The following TEKT5 variants were observed in gnomAD, a reference collection of about 807,000 sequenced individuals.
TEKT5 encodes tektin-5.
In TEKT5, 52 loss-of-function variants were observed where a neutral mutation model predicts 48.7. The observed-to-expected ratio is 1.07, with a 90% confidence interval of 0.86 to 1.35. The LOEUF is 1.35. Among genes scored for constraint, TEKT5 ranks in the 40% most tolerant of loss-of-function variants. The pLI, the probability that TEKT5 is intolerant of heterozygous loss-of-function variation, is 0.00. For synonymous variants in TEKT5, 318 were observed against 267.6 expected, an observed-to-expected ratio of 1.19 and a Z score of -1.84; for missense variants, 831 against 641.6, an observed-to-expected ratio of 1.30 and a Z score of -3.19.
intron 6 of TEKT5, among the ~76,000 whole-genome samples, chr16:10,633,253 C>T (rs1229120861): frequency 1.3e-5 from 2 of 152,062 alleles, no homozygotes; most frequent in Non-Finnish European, 2.9e-5. Context: ...CCCAGCTACT[C>T]GGGAGGCTGA....
At chr16:10,640,104 TCC>T (rs1897972656) in intron 5 of TEKT5, among the ~76,000 whole-genome samples, 2 of 69,916 alleles carry the variant, frequency 2.9e-5, no homozygotes, top group African/African-American at 1.6e-4. Context: ...CCCTCTCCCC[TCC>T]TCCCGTCTTC....
chr16:10,641,638 T>C (rs1897995717), intron 5 of TEKT5, among the ~76,000 whole-genome samples: 1 of 152,062 alleles, frequency 6.6e-6, no homozygotes, highest in Non-Finnish European at 1.5e-5. Flanking sequence ...TGGGGCAACA[T>C]AGTGAGACCT....
intron 5 of TEKT5, among the ~76,000 whole-genome samples, chr16:10,666,877 G>C (rs1182667852): frequency 2.6e-5 from 4 of 151,866 alleles, no homozygotes; most frequent in African/African-American, 9.7e-5. Flanking sequence ...TCATGGCACA[G>C]TTGCCCATAT....
chr16:10,635,674 C>G, intron 6 of TEKT5, 90 bp downstream of exon 6: 1 of 1,531,198 alleles, frequency 6.5e-7, no homozygotes, highest in South Asian at 1.3e-5. Context: ...ATTTTTCAGA[C>G]CCAGTGCACC....
intron 6 of TEKT5, among the ~76,000 whole-genome samples, chr16:10,631,273 AG>A (rs1230904154): frequency 0.016 from 1,850 of 119,134 alleles, 61 homozygotes; most frequent in African/African-American, 0.054. Context: ...AAAAAAAAAA[AG>A]AGAGAGAGAG....
intron 5 of TEKT5, among the ~76,000 whole-genome samples, chr16:10,665,227 G>A (rs1344898121): frequency 1.3e-5 from 2 of 152,120 alleles, no homozygotes; most frequent in African/African-American, 2.4e-5. Context: ...AAAAATTAGG[G>A]GAATGCTGGG....
chr16:10,646,300 C>T (rs997207217), intron 5 of TEKT5, among the ~76,000 whole-genome samples: 3 of 152,078 alleles, frequency 2.0e-5, no homozygotes, highest in African/African-American at 4.8e-5. Context: ...ACCAGCTTCC[C>T]CCCAGTGACT....
At chr16:10,650,544 G>A (rs1898138656) in intron 5 of TEKT5, among the ~76,000 whole-genome samples, 1 of 152,056 alleles carries the variant, frequency 6.6e-6, no homozygotes, top group Non-Finnish European at 1.5e-5. Flanking sequence ...ATCTTGTCCA[G>A]ACTCTGTCAC....
At chr16:10,648,743 CTT>C in intron 5 of TEKT5, among the ~76,000 whole-genome samples, 1 of 152,350 alleles carries the variant, frequency 6.6e-6, no homozygotes, top group South Asian at 2.1e-4. Context: ...GCCAGCCTAT[CTT>C]TGTCTCTCTA....
At chr16:10,661,843 AAAG>A (rs1351087631) in intron 5 of TEKT5, among the ~76,000 whole-genome samples, 1 of 152,150 alleles carries the variant, frequency 6.6e-6, no homozygotes, top group Non-Finnish European at 1.5e-5. Flanking sequence ...CCATGTGTAT[AAAG>A]AAGATGATAA....
In TEKT5 at chr16:10,663,945, T is replaced by C. The variant is rs1382370008; in HGVS notation, c.1086+12014A>G. Reference sequence around the variant, plus strand: ...GGAATATGTCAGGCCAGCACATGCATCAGCTGTTGAGAGGCTGTCTGAGGT... The same window carrying C: ...GGAATATGTCAGGCCAGCACATGCACCAGCTGTTGAGAGGCTGTCTGAGGT... On this transcript the variant is annotated intron_variant, in intron 5 of 6. Coordinates refer to ENST00000283025, the MANE Select transcript of TEKT5 (RefSeq NM_144674.2). 2.0e-5 allele frequency among the ~76,000 whole-genome samples: 3 copies of C among 152,322 alleles called. No individual in the cohort carries two copies. The East Asian group carries it at 5.8e-4, about 29-fold the overall frequency.
intron 5 of TEKT5, among the ~76,000 whole-genome samples, chr16:10,652,451 A>AACACACACACAC (rs572277672): frequency 7.0e-4 from 47 of 66,770 alleles, no homozygotes; most frequent in East Asian, 2.8e-3. Context: ...TACACAGGCA[A>AACACACACACAC]ACACACACAC....
chr16:10,648,508 T>G (rs1898104305), intron 5 of TEKT5, among the ~76,000 whole-genome samples: 1 of 152,172 alleles, frequency 6.6e-6, no homozygotes. Flanking sequence ...TATTTATTTT[T>G]GTTAGTAGAG....
chr16:10,673,646 ATTTTTT>A (rs60322821), intron 5 of TEKT5, among the ~76,000 whole-genome samples: 3 of 105,750 alleles, frequency 2.8e-5, no homozygotes, highest in Non-Finnish European at 3.8e-5. Context: ...CACCCATTCT[ATTTTTT>A]TTTTTTTTTT....
chr16:10,665,609 C>T (rs2541515), intron 5 of TEKT5, among the ~76,000 whole-genome samples: 51,439 of 151,940 alleles, frequency 0.34, 9,900 homozygotes, highest in East Asian at 0.54. Context: ...GCATAGTGTT[C>T]CCATGAACTG....
Position 10,693,878 on chromosome 16 carries a change from G to A in TEKT5, c.564+432C>T, listed in dbSNP as rs141792978. ...CCAGCTCCTCAGGAGGCTGAGGCACGAGAGTCGCTTGAACCCAGGAGGCGG... is the reference window on the plus strand; with the variant it reads ...CCAGCTCCTCAGGAGGCTGAGGCACAAGAGTCGCTTGAACCCAGGAGGCGG... On this transcript the variant is annotated intron_variant, in intron 1 of 6. Coordinates refer to ENST00000283025, the MANE Select transcript of TEKT5 (RefSeq NM_144674.2). 3.2e-3 allele frequency among the ~76,000 whole-genome samples: 483 copies of A among 152,292 alleles called. 7 individuals carry two copies. The highest frequency in any genetic ancestry group is 0.011 in the African/African-American group (461 of 41,574).
At chr16:10,673,315 T>G (rs907888082) in intron 5 of TEKT5, among the ~76,000 whole-genome samples, 1 of 152,186 alleles carries the variant, frequency 6.6e-6, no homozygotes, top group Non-Finnish European at 1.5e-5. Flanking sequence ...GAAGTTTTAT[T>G]GGAACACAGC....
At chr16:10,640,496 G>A (rs1316580319) in intron 5 of TEKT5, among the ~76,000 whole-genome samples, 3 of 145,530 alleles carry the variant, frequency 2.1e-5, no homozygotes, top group African/African-American at 5.7e-5. Flanking sequence ...TAAATTACAC[G>A]TTTAATGTTT....
intron 5 of TEKT5, among the ~76,000 whole-genome samples, chr16:10,662,261 G>A (rs568184296): frequency 3.7e-4 from 56 of 152,312 alleles, no homozygotes; most frequent in Non-Finnish European, 6.5e-4. Flanking sequence ...GCCCCTGGGG[G>A]AAATGGGGGC....
Sources: gnomAD v4.1 joint callset for allele counts (sites outside exome capture counted in the v4.1 genomes callset) on GRCh38, gnomAD v4.1.1 for gene constraint, MANE v1.5 for transcripts, NCBI Gene and HGNC (gene_info 2026-07-23, HGNC 2026-07-21) for gene names.